Variants in FMO4 observed in about 807,000 individuals in gnomAD.
FMO4 encodes flavin containing dimethylaniline monoxygenase 4.
Under a neutral mutation model 43.3 loss-of-function variants are expected in FMO4, and 38 were observed. The ratio of observed to expected loss-of-function variants is 0.88; its 90% CI spans 0.68 to 1.15. FMO4 has a LOEUF of 1.15. Among genes scored for constraint, FMO4 ranks in the 50% most tolerant of loss-of-function variants. The pLI, the probability that FMO4 is intolerant of heterozygous loss-of-function variation, is 0.00. For synonymous variants in FMO4, 224 were observed against 232.2 expected (o/e 0.96, Z 0.32); for missense variants, 631 against 663.3 (o/e 0.95, Z 0.54).
At position 171,319,937 on chromosome 1, in the gene FMO4, G is replaced by C. The variant is rs150752522; in HGVS notation, c.112G>C (p.Gly38Arg). 2.7e-5 allele frequency: 44 copies of C among 1,613,694 alleles called. No homozygotes were observed. Among genetic ancestry groups the C allele is most frequent in the Non-Finnish European group, 9.3e-6 (11 of 1,179,784 alleles). Residue 38 changes from glycine to arginine, a missense_variant, in exon 3 of 10, where the codon GGG (glycine) becomes CGG (arginine). Gly to Arg is a moderately radical substitution (Grantham distance 125). Coordinates refer to ENST00000367749, the MANE Select transcript of FMO4 (RefSeq NM_002022.3). ...PTCFERSDDI[G>R]GLWKFTESSK... ...CTGCTTTGAGAGAAGTGATGACATT[G>C]GGGGATTATGGAAGTTTACTGTACG...
At chr1:171,339,550 C>A (rs981720470) in intron 9 of FMO4, among the ~76,000 whole-genome samples, 4 of 152,142 alleles carry the variant, frequency 2.6e-5, no homozygotes, top group Non-Finnish European at 5.9e-5. Flanking sequence ...TGTTGCAATT[C>A]TTTGTAACCA....
At chr1:171,341,016 T>C (rs1267623618) in intron 9 of FMO4, among the ~76,000 whole-genome samples, 2 of 152,180 alleles carry the variant, frequency 1.3e-5, no homozygotes, top group African/African-American at 4.8e-5. Flanking sequence ...TCATTAGTTT[T>C]AGAGGCATTG....
intron 4 of FMO4, among the ~76,000 whole-genome samples, chr1:171,323,429 C>G (rs533677321): frequency 6.6e-6 from 1 of 152,160 alleles, no homozygotes; most frequent in South Asian, 2.1e-4. Context: ...TTTGGAAGGC[C>G]GAGGCAGGCA....
chr1:171,324,211 A>G lies in FMO4; in HGVS notation c.395A>G (p.Glu132Gly). 1.9e-6 allele frequency: 3 copies of G among 1,613,800 alleles called. No individual in the cohort carries two copies. The highest frequency in any genetic ancestry group is 2.5e-6 in the Non-Finnish European group (3 of 1,179,780). Residue 132 changes from glutamate (E) to glycine (G), a missense_variant, in exon 5 of 10, where the codon GAG becomes GGG. Physicochemically the swap from Glu to Gly is moderately conservative, Grantham distance 98. Coordinates refer to ENST00000367749, the MANE Select transcript of FMO4 (RefSeq NM_002022.3). ...CAGTGGGATGTTGTCACAGAGACAG[A>G]GGGCAAGCAAAATAGAGCTGTCTTT... ...TGQWDVVTETEGKQNRAVFDA... is the reference protein window; with the variant it reads ...TGQWDVVTETGGKQNRAVFDA...
At chr1:171,327,125 A>G (rs1455738844) in intron 5 of FMO4, among the ~76,000 whole-genome samples, 1 of 152,338 alleles carries the variant, frequency 6.6e-6, no homozygotes. Context: ...GGAAAACCTC[A>G]TAAGTGGCTG....
intron 3 of FMO4, among the ~76,000 whole-genome samples, chr1:171,322,233 G>T (rs1295279800): frequency 6.6e-6 from 1 of 152,134 alleles, no homozygotes; most frequent in African/African-American, 2.4e-5. Context: ...AGCCAATAAA[G>T]GAAGGTAGAT....
At chr1:171,339,820 T>A (rs889063410) in intron 9 of FMO4, among the ~76,000 whole-genome samples, 4 of 152,184 alleles carry the variant, frequency 2.6e-5, no homozygotes, top group African/African-American at 9.6e-5. Context: ...CTTGGGAACC[T>A]CCAAACTCAA....
At position 171,324,428 on chromosome 1, in the gene FMO4, T is replaced by C. The variant is rs1042356606; in HGVS notation, c.484+128T>C. ...TTTATATTCATTCTCAAAAATAATA[T>C]GTGCAAAATTACTTTAAAAGTTGTA... On this transcript the variant is annotated intron_variant, in intron 5 of 9. Coordinates refer to ENST00000367749, the MANE Select transcript of FMO4 (RefSeq NM_002022.3). The C allele has an allele frequency of 1.3e-4, 86 of 668,514 alleles. 2 individuals are homozygous for C. The highest frequency in any genetic ancestry group is 9.8e-4 in the East Asian group (36 of 36,920). The allele number at this position is 668,514 out of a possible 1,614,324, so 41.4% of individuals were successfully genotyped here.
intron 8 of FMO4, among the ~76,000 whole-genome samples, chr1:171,336,093 C>T (rs960618501): frequency 6.6e-6 from 1 of 151,782 alleles, no homozygotes; most frequent in Non-Finnish European, 1.5e-5. Flanking sequence ...ATAAGGTGAC[C>T]CTAGTGGAAA....
chr1:171,326,969 T>C (rs1662693585), intron 5 of FMO4, among the ~76,000 whole-genome samples: 1 of 152,196 alleles, frequency 6.6e-6, no homozygotes, highest in African/African-American at 2.4e-5. Context: ...ACATAATCAT[T>C]GACTCAGAAC....
intron 7 of FMO4, among the ~76,000 whole-genome samples, chr1:171,333,600 A>T (rs969672883): frequency 6.6e-6 from 1 of 152,148 alleles, no homozygotes; most frequent in South Asian, 2.1e-4. Context: ...AAAGCACGTA[A>T]GGTCATTAAA....
intron 3 of FMO4, among the ~76,000 whole-genome samples, chr1:171,320,785 G>GGGC (rs1662385623): frequency 6.6e-6 from 1 of 152,104 alleles, no homozygotes; most frequent in Non-Finnish European, 1.5e-5. Context: ...AGACCAGCAT[G>GGGC]GGCGGCATAG....
At chr1:171,321,285 T>C (rs1454036946) in intron 3 of FMO4, among the ~76,000 whole-genome samples, 1 of 152,170 alleles carries the variant, frequency 6.6e-6, no homozygotes, top group South Asian at 2.1e-4. Context: ...ATTAGTACTA[T>C]TAACATTTCA....
intron 5 of FMO4, among the ~76,000 whole-genome samples, chr1:171,325,339 A>G: frequency 6.6e-6 from 1 of 152,222 alleles, no homozygotes; most frequent in East Asian, 1.9e-4. Context: ...TCAATTGAGG[A>G]TTACTAAAAT....
intron 2 of FMO4, among the ~76,000 whole-genome samples, chr1:171,317,104 T>A (rs995327175): frequency 1.3e-5 from 2 of 152,190 alleles, no homozygotes; most frequent in Non-Finnish European, 2.9e-5. Context: ...CATCTTGGTT[T>A]CAGATCCTGA....
At chr1:171,325,211 T>C (rs1397090429) in intron 5 of FMO4, among the ~76,000 whole-genome samples, 1 of 152,236 alleles carries the variant, frequency 6.6e-6, no homozygotes, top group Non-Finnish European at 1.5e-5. Context: ...CTTTTCACTG[T>C]GACAACATAT....
At chr1:171,333,050 T>A in intron 7 of FMO4, 142 bp downstream of exon 7, 2 of 591,570 alleles carry the variant, frequency 3.4e-6, no homozygotes, top group Non-Finnish European at 5.9e-6. Context: ...ACACTGTTCA[T>A]CAGGTACCAC....
At chr1:171,317,002 G>C (rs934264528) in intron 2 of FMO4, among the ~76,000 whole-genome samples, 1 of 152,166 alleles carries the variant, frequency 6.6e-6, no homozygotes, top group Non-Finnish European at 1.5e-5. Flanking sequence ...CCATCCCAAA[G>C]GTGCAGCAGC....
chr1:171,337,481 A>G, intron 9 of FMO4, 56 bp downstream of exon 9: 1 of 1,217,684 alleles, frequency 8.2e-7, no homozygotes, highest in South Asian at 1.2e-5. Flanking sequence ...TTACAAAAAA[A>G]GGATTCAGAG....
Sources: allele counts gnomAD v4.1 joint callset (sites outside exome capture counted in the v4.1 genomes callset), GRCh38; gene constraint gnomAD v4.1.1; transcripts MANE v1.5; gene names NCBI Gene and HGNC (gene_info 2026-07-23, HGNC 2026-07-21).